The following FBN2 variants were observed in gnomAD, a reference collection of about 807,000 sequenced individuals.
The protein encoded by FBN2 is fibrillin-2.
In FBN2, 105 loss-of-function variants were observed where a neutral mutation model predicts 355.6. The ratio of observed to expected loss-of-function variants is 0.30; its 90% CI spans 0.25 to 0.35. The LOEUF is 0.35. FBN2 is among the 10% of genes least tolerant of loss of function. FBN2 has a pLI of 1.00. For missense variants in FBN2, 3,280 were observed against 3,758.7 expected (o/e 0.87, Z 3.33); for synonymous variants, 1,350 against 1,301.2 (o/e 1.04, Z -0.81).
At chr5:128,419,849 C>A (rs1334312590) in intron 7 of FBN2, among the ~76,000 whole-genome samples, 2 of 152,098 alleles carry the variant, frequency 1.3e-5, no homozygotes, top group Non-Finnish European at 2.9e-5. Flanking sequence ...GCATGCGCCA[C>A]CATGCCTGGC....
chr5:128,310,493 T>G (rs934248819), intron 39 of FBN2, among the ~76,000 whole-genome samples: 2 of 151,004 alleles, frequency 1.3e-5, no homozygotes, highest in African/African-American at 4.9e-5. Context: ...AGGCTAAGTT[T>G]TAATGCCAAC....
intron 9 of FBN2, among the ~76,000 whole-genome samples, chr5:128,394,528 A>G (rs1375271020): frequency 6.6e-6 from 1 of 152,196 alleles, no homozygotes; most frequent in African/African-American, 2.4e-5. Flanking sequence ...TTCCTCATAG[A>G]TATTTGAGCT....
chr5:128,353,675 C>G (rs1490101505), intron 20 of FBN2, among the ~76,000 whole-genome samples: 5 of 152,306 alleles, frequency 3.3e-5, no homozygotes, highest in African/African-American at 1.2e-4. Context: ...AAGATAGTGA[C>G]AGGAACTGGA....
chr5:128,420,224 A>G lies in FBN2; in HGVS notation c.953-11425T>C, dbSNP rs1753311548. Reference sequence around the variant, plus strand: ...GTCCTCCCATTCCATGTTCTTTTTAACTGAATTCAGGTTTTCTAATTTAAT... The same window carrying G: ...GTCCTCCCATTCCATGTTCTTTTTAGCTGAATTCAGGTTTTCTAATTTAAT... On this transcript the variant is annotated intron_variant, in intron 7 of 64. Transcript: ENST00000262464. Among the ~76,000 whole-genome samples the G allele has an allele frequency of 2.0e-5, 3 of 152,070 alleles. 1 individual carries two copies. The highest frequency in any genetic ancestry group is 7.2e-5 in the African/African-American group (3 of 41,404).
At chr5:128,494,477 C>T (rs1404378969) in intron 5 of FBN2, among the ~76,000 whole-genome samples, 1 of 152,120 alleles carries the variant, frequency 6.6e-6, no homozygotes, top group Non-Finnish European at 1.5e-5. Flanking sequence ...AAAAATTTAT[C>T]CTGCAAAGGG....
rs28763945 is a variant in FBN2, at chr5:128,345,408, C to A, written c.3166G>T (p.Ala1056Ser). 2,314 of 1,614,162 alleles carry A rather than the reference C, an allele frequency of 1.4e-3. 26 individuals are homozygous for A. In the African/African-American group the frequency reaches 0.026, roughly 18 times the overall value. ...KEYETLCPRG[A>S]GFANRGDVLT... ...ACATCCCCTCGGTTAGCAAAGCCAG[C>A]CCCGCGGGGGCACAGCGTCTCGTAT... is the stretch of plus-strand genomic sequence containing the variant. Residue 1056 changes from alanine (A) to serine (S), a missense_variant, in exon 24 of 65, where the codon GCT (alanine) becomes TCT (serine). Ala to Ser is a moderately conservative substitution (Grantham distance 99). Coordinates refer to ENST00000262464, the MANE Select transcript of FBN2 (RefSeq NM_001999.4).
intron 7 of FBN2, among the ~76,000 whole-genome samples, chr5:128,422,207 T>C (rs1753367575): frequency 1.3e-5 from 2 of 152,222 alleles, no homozygotes; most frequent in Admixed American, 1.3e-4. Context: ...AATAAATCTG[T>C]TGTTTTAAGC....
intron 5 of FBN2, among the ~76,000 whole-genome samples, chr5:128,489,051 TTCTAGA>T (rs796248269): frequency 7.5e-4 from 114 of 152,184 alleles, no homozygotes; most frequent in African/African-American, 2.7e-3. Flanking sequence ...GTATTTCTAG[TTCTAGA>T]TCCCTGAGGA....
intron 48 of FBN2, among the ~76,000 whole-genome samples, chr5:128,295,403 T>C (rs956826109): frequency 2.7e-5 from 4 of 150,790 alleles, no homozygotes; most frequent in African/African-American, 2.4e-5. Context: ...GGGGATGGCA[T>C]TGAATCTGTA....
intron 2 of FBN2, among the ~76,000 whole-genome samples, chr5:128,530,965 TA>T (rs1369410057): frequency 6.6e-6 from 1 of 152,126 alleles, no homozygotes; most frequent in East Asian, 1.9e-4. Context: ...ATAGTGGCTG[TA>T]AAAGTAGAAC....
At position 128,319,116 on chromosome 5, in the gene FBN2, C is replaced by CT. The variant is rs1185833387; in HGVS notation, c.4472-116dup. The CT allele has an allele frequency of 1.1e-3, 892 of 778,962 alleles. 1 individual carries two copies. The highest frequency in any genetic ancestry group is 3.2e-3 in the South Asian group (194 of 60,080). The allele number at this position is 778,962 out of a possible 1,614,324, so 48.3% of individuals were successfully genotyped here. On this transcript the variant is annotated intron_variant, in intron 34 of 64. Transcript: ENST00000262464. ...CCTCAGATGTTTTTATTCAGTAAGG[C>CT]TTTTTTTTTCTCTTTTTTGGCTAGG...
chr5:128,472,887 G>A (rs1754904893), intron 5 of FBN2, among the ~76,000 whole-genome samples: 1 of 152,036 alleles, frequency 6.6e-6, no homozygotes, highest in Non-Finnish European at 1.5e-5. Flanking sequence ...CCGGGAGTAA[G>A]TAGACTTTTG....
At chr5:128,326,865 A>G (rs367545861) in intron 34 of FBN2, among the ~76,000 whole-genome samples, 1 of 152,194 alleles carries the variant, frequency 6.6e-6, no homozygotes, top group South Asian at 2.1e-4. Flanking sequence ...GAAGTACAGT[A>G]AACAGTAACT....
intron 5 of FBN2, among the ~76,000 whole-genome samples, chr5:128,494,003 G>A (rs1427573950): frequency 1.6e-5 from 2 of 124,296 alleles, no homozygotes; most frequent in Non-Finnish European, 3.0e-5. Flanking sequence ...CAAGGTTTCT[G>A]CGAGACAGAG....
chr5:128,408,904 G>C (rs1245922968), intron 7 of FBN2, 105 bp from the exon 8 acceptor site: 1 of 1,235,052 alleles, frequency 8.1e-7, no homozygotes, highest in Non-Finnish European at 1.2e-6. Context: ...GGTTGATTAG[G>C]TCAGATCATA....
chr5:128,446,667 T>C (rs1324698158), intron 6 of FBN2, 61 bp from the exon 7 acceptor site: 7 of 1,570,564 alleles, frequency 4.5e-6, no homozygotes, highest in African/African-American at 1.4e-5. Context: ...CTATACTTTT[T>C]TTTACTATAA....
At chr5:128,290,921 T>C (rs774826044) in intron 49 of FBN2, 37 bp from the exon 50 acceptor site, 6 of 1,588,030 alleles carry the variant, frequency 3.8e-6, no homozygotes, top group Admixed American at 1.7e-5. Flanking sequence ...TGGAATTATT[T>C]TGTAACACTG....
chr5:128,398,002 G>T (rs1163053970), intron 8 of FBN2, among the ~76,000 whole-genome samples: 2 of 152,064 alleles, frequency 1.3e-5, no homozygotes, highest in African/African-American at 4.8e-5. Context: ...CTACCTTGAT[G>T]CTCTGTGGAG....
intron 62 of FBN2, among the ~76,000 whole-genome samples, chr5:128,268,854 G>T (rs1419312712): frequency 6.6e-6 from 1 of 152,094 alleles, no homozygotes; most frequent in East Asian, 1.9e-4. Context: ...TAATAAACTA[G>T]ATATTGATGG....
Sources: gnomAD v4.1 joint callset for allele counts (sites outside exome capture counted in the v4.1 genomes callset) on GRCh38, gnomAD v4.1.1 for gene constraint, MANE v1.5 for transcripts, NCBI Gene and HGNC (gene_info 2026-07-23, HGNC 2026-07-21) for gene names.